The following ABCC8 variants were observed in gnomAD, a reference collection of about 807,000 sequenced individuals.
ABCC8 encodes ATP binding cassette subfamily C member 8.
A neutral mutation model predicts 188.0 loss-of-function variants in ABCC8; 137 were observed. The ratio of observed to expected loss-of-function variants is 0.73; its 90% confidence interval spans 0.63 to 0.84. ABCC8 has a LOEUF of 0.84. Ranked by LOEUF, ABCC8 falls within the 40% of genes least tolerant of loss-of-function variation. ABCC8 has a pLI of 0.00. For missense variants in ABCC8, 1,750 were observed against 2,072.7 expected (o/e 0.84, Z 3.02); for synonymous variants, 797 against 846.5 (o/e 0.94, Z 1.01).
intron 6 of ABCC8, among the ~76,000 whole-genome samples, chr11:17,455,612 A>G (rs1277624969): frequency 6.6e-6 from 1 of 152,150 alleles, no homozygotes; most frequent in African/African-American, 2.4e-5. Context: ...TTTAAAAGGG[A>G]TAGAACCTGG....
intron 16 of ABCC8, among the ~76,000 whole-genome samples, chr11:17,419,298 G>A (rs1299104971): frequency 6.6e-6 from 1 of 152,200 alleles, no homozygotes; most frequent in Non-Finnish European, 1.5e-5. Flanking sequence ...GAGTCTTCCA[G>A]TTCCCCAACC....
intron 16 of ABCC8, among the ~76,000 whole-genome samples, chr11:17,421,288 T>C (rs1176012569): frequency 2.0e-5 from 3 of 152,158 alleles, no homozygotes; most frequent in Non-Finnish European, 2.9e-5. Context: ...TATAATACCA[T>C]GTGAGGTATG....
At chr11:17,446,716 G>C (rs1244346114) in intron 8 of ABCC8, among the ~76,000 whole-genome samples, 2 of 152,136 alleles carry the variant, frequency 1.3e-5, no homozygotes, top group Non-Finnish European at 2.9e-5. Context: ...GGTGGTAATG[G>C]GGGATGGCAT....
intron 10 of ABCC8, among the ~76,000 whole-genome samples, chr11:17,437,344 A>C (rs954269185): frequency 1.3e-5 from 2 of 152,244 alleles, no homozygotes; most frequent in African/African-American, 4.8e-5. Context: ...TATGGGCACC[A>C]GCCTGGCATT....
chr11:17,473,632 T>C (rs1158883277), intron 2 of ABCC8, among the ~76,000 whole-genome samples: 1 of 152,178 alleles, frequency 6.6e-6, no homozygotes, highest in East Asian at 1.9e-4. Flanking sequence ...TGCTGGTTAC[T>C]GGATTCTTCC....
chr11:17,461,088 G>A (rs1048333580), intron 5 of ABCC8: 1 of 341,726 alleles, frequency 2.9e-6, no homozygotes, highest in South Asian at 2.6e-5. Flanking sequence ...TCTGCCGCCT[G>A]CCAGCTGTGG....
At position 17,395,898 on chromosome 11, in the gene ABCC8, C is replaced by T. The variant is rs1250433233; in HGVS notation, c.4152G>A (p.Lys1384=). 1 of 1,591,018 alleles carries T rather than the reference C, an allele frequency of 6.3e-7. No individual in the cohort carries two copies. The highest frequency in any genetic ancestry group is 1.7e-5 in the Admixed American group (1 of 57,448). ...IGICGRTGSG[K]SSFSLAFFRM... ...GGAAGAAGGCAAGAGAGAAGGAGGA[C>T]TTCCCACTGCCGGTGCGGCCGCAGA... Residue 1384 remains lysine (K), a synonymous_variant, in exon 34 of 39, where the codon AAG becomes AAA. Coordinates refer to ENST00000389817, the MANE Select transcript of ABCC8 (RefSeq NM_000352.6).
At chr11:17,400,555 GA>G (rs920577239) in intron 29 of ABCC8, among the ~76,000 whole-genome samples, 1 of 151,960 alleles carries the variant, frequency 6.6e-6, no homozygotes, top group Non-Finnish European at 1.5e-5. Flanking sequence ...GTTTTCTTAT[GA>G]AAAAAATGGG....
intron 16 of ABCC8, among the ~76,000 whole-genome samples, chr11:17,423,696 G>A (rs1955455511): frequency 6.6e-6 from 1 of 152,242 alleles, no homozygotes; most frequent in Non-Finnish European, 1.5e-5. Flanking sequence ...GTAAAGGAGA[G>A]TAAGTGTTGA....
Position 17,460,692 on chromosome 11 carries a change from A to G in ABCC8, c.823-16T>C, listed in dbSNP as rs1957157241. 1 of 1,604,930 alleles carries G rather than the reference A, an allele frequency of 6.2e-7. No homozygotes were observed. On this transcript the variant is annotated splice_polypyrimidine_tract_variant and intron_variant, in intron 5 of 38. Coordinates refer to ENST00000389817, the MANE Select transcript of ABCC8 (RefSeq NM_000352.6). ...TGTCCTTCCGCTGCCCAGAGAGACCATGGCCAGGTCAGAGTGCCTGAGGGC... is the reference window on the plus strand; with the variant it reads ...TGTCCTTCCGCTGCCCAGAGAGACCGTGGCCAGGTCAGAGTGCCTGAGGGC...
intron 16 of ABCC8, among the ~76,000 whole-genome samples, chr11:17,419,656 G>A (rs564612357): frequency 6.6e-6 from 1 of 152,222 alleles, no homozygotes; most frequent in African/African-American, 2.4e-5. Flanking sequence ...ATTTGGAGGA[G>A]GAAGAAATCT....
intron 12 of ABCC8, chr11:17,428,970 G>A (rs1164433293): frequency 8.1e-6 from 4 of 494,900 alleles, no homozygotes; most frequent in Non-Finnish European, 1.5e-5. Flanking sequence ...GATGGTTGGT[G>A]TTGGATTGGT....
chr11:17,409,763 T>C (rs1390808843), intron 22 of ABCC8, among the ~76,000 whole-genome samples: 6 of 152,190 alleles, frequency 3.9e-5, no homozygotes, highest in East Asian at 1.9e-4. Flanking sequence ...AAAAATTAAG[T>C]GCTTTCTAAT....
chr11:17,450,723 C>CT (rs1433337212), intron 7 of ABCC8, among the ~76,000 whole-genome samples: 2 of 110,576 alleles, frequency 1.8e-5, no homozygotes, highest in East Asian at 5.8e-4. Flanking sequence ...AAGTCTCACT[C>CT]TGTCGCCCAA....
intron 11 of ABCC8, 89 bp from the exon 12 acceptor site, chr11:17,431,048 G>A: frequency 6.4e-7 from 1 of 1,563,676 alleles, no homozygotes; most frequent in Non-Finnish European, 8.7e-7. Flanking sequence ...AGGGAAATGA[G>A]AGGGCTGTCA....
At chr11:17,449,264 G>T (rs1309956462) in intron 7 of ABCC8, among the ~76,000 whole-genome samples, 1 of 152,134 alleles carries the variant, frequency 6.6e-6, no homozygotes, top group African/African-American at 2.4e-5. Flanking sequence ...ATGTCCACTT[G>T]TATTCTTGAT....
At chr11:17,466,353 T>C (rs1057429694) in intron 3 of ABCC8, among the ~76,000 whole-genome samples, 9 of 143,550 alleles carry the variant, frequency 6.3e-5, no homozygotes, top group African/African-American at 2.1e-4. Flanking sequence ...GAGCCGAGAT[T>C]GCACCACTGC....
chr11:17,419,031 A>C (rs920324972), intron 16 of ABCC8, among the ~76,000 whole-genome samples: 2 of 152,188 alleles, frequency 1.3e-5, no homozygotes, highest in African/African-American at 4.8e-5. Context: ...ACTGAGACTC[A>C]GAGTTTGCAA....
chr11:17,431,028 C>T, intron 11 of ABCC8, 69 bp from the exon 12 acceptor site: 1 of 1,587,656 alleles, frequency 6.3e-7, no homozygotes, highest in Non-Finnish European at 8.6e-7. Flanking sequence ...TGGAAACGCT[C>T]AGCACTGGAA....
Sources: allele counts gnomAD v4.1 joint callset (sites outside exome capture counted in the v4.1 genomes callset), GRCh38; gene constraint gnomAD v4.1.1; transcripts MANE v1.5; gene names NCBI Gene and HGNC (gene_info 2026-07-23, HGNC 2026-07-21).